The following KIF16B variants were observed in gnomAD, a reference collection of about 807,000 sequenced individuals.
The protein encoded by KIF16B is kinesin-like protein KIF16B.
A neutral mutation model predicts 156.3 loss-of-function variants in KIF16B; 98 were observed. The ratio of observed to expected loss-of-function variants is 0.63; its 90% CI spans 0.53 to 0.74. KIF16B has a LOEUF of 0.74. Among genes scored for constraint, KIF16B ranks in the 30% least tolerant of loss-of-function variants. KIF16B has a pLI of 0.00. For synonymous variants in KIF16B, 564 were observed against 583.7 expected (o/e 0.97, Z 0.49); for missense variants, 1,421 against 1,606.5 (o/e 0.88, Z 1.97).
At chr20:16,306,658 G>A (rs925938480) in intron 25 of KIF16B, among the ~76,000 whole-genome samples, 1 of 152,130 alleles carries the variant, frequency 6.6e-6, no homozygotes, top group South Asian at 2.1e-4. Context: ...TACATTTCAC[G>A]ATTGCTGGGG....
At chr20:16,377,901 C>T (rs1288394942) in intron 19 of KIF16B, among the ~76,000 whole-genome samples, 2 of 152,162 alleles carry the variant, frequency 1.3e-5, no homozygotes, top group East Asian at 1.9e-4. Context: ...CCTTACAAGA[C>T]AAGAGTGCTA....
Position 16,372,908 on chromosome 20 carries a change from G to A in KIF16B, c.3351-1147C>T, listed in dbSNP as rs183484189. Among the ~76,000 whole-genome samples the A allele has an allele frequency of 6.6e-5, 10 of 152,304 alleles. No individual in the cohort carries two copies. The East Asian group carries it at 9.7e-4, about 15-fold the overall frequency. ...AGACAGGGTTTCACTATGTTGGTCA[G>A]GCTGGTCTTGAACTCCTGACCTCAG... On this transcript the variant is annotated intron_variant, in intron 20 of 25. Transcript: ENST00000354981.
intron 10 of KIF16B, among the ~76,000 whole-genome samples, chr20:16,499,071 G>T (rs1473244051): frequency 6.6e-6 from 1 of 152,102 alleles, no homozygotes; most frequent in Non-Finnish European, 1.5e-5. Flanking sequence ...CCTCAGAGAT[G>T]TCCCCGAGCT....
intron 25 of KIF16B, among the ~76,000 whole-genome samples, chr20:16,278,111 GAGCCA>G (rs150312729): frequency 0.12 from 17,754 of 152,144 alleles, 1,114 homozygotes; most frequent in African/African-American, 0.15. Context: ...TGGGATGGCG[GAGCCA>G]AAGGGGGCCT....
chr20:16,528,111 G>C (rs550835016), intron 2 of KIF16B, among the ~76,000 whole-genome samples: 1 of 152,150 alleles, frequency 6.6e-6, no homozygotes, highest in Non-Finnish European at 1.5e-5. Flanking sequence ...CCGAATCTGG[G>C]ATAGACTCAG....
intron 20 of KIF16B, among the ~76,000 whole-genome samples, chr20:16,373,916 G>A (rs1013636746): frequency 5.9e-5 from 9 of 152,262 alleles, no homozygotes; most frequent in East Asian, 1.9e-4. Flanking sequence ...TTTTCTAACC[G>A]CAGGTTCCAG....
chr20:16,328,014 C>T (rs1568854044), intron 24 of KIF16B, among the ~76,000 whole-genome samples: 3 of 152,060 alleles, frequency 2.0e-5, no homozygotes, highest in Non-Finnish European at 4.4e-5. Context: ...AATAGTTGTC[C>T]AAGACAAATA....
chr20:16,489,964 T>C (rs2068238041), intron 12 of KIF16B, among the ~76,000 whole-genome samples: 1 of 150,270 alleles, frequency 6.7e-6, no homozygotes, highest in Non-Finnish European at 1.5e-5. Flanking sequence ...GCCTTTCTAG[T>C]GGGAATGAGA....
At chr20:16,324,545 TA>T (rs1364460059) in intron 24 of KIF16B, among the ~76,000 whole-genome samples, 1 of 151,990 alleles carries the variant, frequency 6.6e-6, no homozygotes, top group Non-Finnish European at 1.5e-5. Flanking sequence ...GAAAGAGTAA[TA>T]AAGTCCACAT....
chr20:16,560,800 A>T (rs1226456487), intron 1 of KIF16B, among the ~76,000 whole-genome samples: 2 of 152,114 alleles, frequency 1.3e-5, no homozygotes, highest in Admixed American at 6.6e-5. Flanking sequence ...AAAAGAAAAA[A>T]AGCTCTAACC....
intron 1 of KIF16B, among the ~76,000 whole-genome samples, chr20:16,566,712 C>A (rs1159591163): frequency 5.3e-5 from 8 of 152,268 alleles, no homozygotes; most frequent in African/African-American, 1.9e-4. Context: ...GGAATTCAAG[C>A]CTTTATTCAG....
chr20:16,379,881 T>C lies in KIF16B; in HGVS notation c.2121A>G (p.Glu707=), dbSNP rs2065050056. Residue 707 remains glutamate, a synonymous_variant, in exon 19 of 26, where the codon GAA becomes GAG. Transcript: ENST00000354981. ...TGAGTTCTTTGAGTCGTTGGAGTTCTTCTTGGACGCGGAGAAAGGTCTCTT... is the reference window on the plus strand; with the variant it reads ...TGAGTTCTTTGAGTCGTTGGAGTTCCTCTTGGACGCGGAGAAAGGTCTCTT... ...QEEETFLRVQ[E]ELQRLKELNN... is the part of the protein sequence containing the mutation. The C allele has an allele frequency of 6.2e-7, 1 of 1,614,132 alleles. No individual in the cohort carries two copies. The highest frequency in any genetic ancestry group is 1.3e-5 in the African/African-American group (1 of 74,950).
intron 25 of KIF16B, among the ~76,000 whole-genome samples, chr20:16,284,932 C>A (rs1200206975): frequency 6.6e-6 from 1 of 152,200 alleles, no homozygotes; most frequent in African/African-American, 2.4e-5. Context: ...CTCCCGCACT[C>A]ACACCCACAG....
chr20:16,370,836 CACTT>C (rs1013540297), intron 21 of KIF16B, among the ~76,000 whole-genome samples, 200 bp from the exon 22 acceptor site: 10 of 152,094 alleles, frequency 6.6e-5, no homozygotes, highest in Admixed American at 5.2e-4. Context: ...AGAACTGAAA[CACTT>C]ACTCCTAATC....
chr20:16,340,314 C>G (rs935672321), intron 23 of KIF16B, among the ~76,000 whole-genome samples: 4 of 152,192 alleles, frequency 2.6e-5, no homozygotes. Context: ...TCCTCTTTCC[C>G]ATTCAACACT....
At chr20:16,485,057 A>C (rs897069597) in intron 12 of KIF16B, among the ~76,000 whole-genome samples, 1 of 152,220 alleles carries the variant, frequency 6.6e-6, no homozygotes, top group Non-Finnish European at 1.5e-5. Flanking sequence ...AATGAGATGC[A>C]ACTGAAAGCC....
At chr20:16,366,624 G>A (rs73236281) in intron 22 of KIF16B, among the ~76,000 whole-genome samples, 139 of 152,338 alleles carry the variant, frequency 9.1e-4, no homozygotes, top group African/African-American at 2.5e-3. Context: ...ATACCATGGT[G>A]ATGGGAGGAC....
At chr20:16,424,273 G>A (rs948501985) in intron 15 of KIF16B, among the ~76,000 whole-genome samples, 14 of 152,066 alleles carry the variant, frequency 9.2e-5, no homozygotes, top group African/African-American at 3.4e-4. Context: ...AGATGAATGG[G>A]TGGGTGGATG....
chr20:16,458,144 C>T (rs1355080537), intron 12 of KIF16B, among the ~76,000 whole-genome samples: 2 of 152,162 alleles, frequency 1.3e-5, no homozygotes, highest in Admixed American at 6.5e-5. Flanking sequence ...GAGCAACCCA[C>T]AAAGGCACTG....
Sources: gnomAD v4.1 joint callset for allele counts (sites outside exome capture counted in the v4.1 genomes callset) on GRCh38, gnomAD v4.1.1 for gene constraint, MANE v1.5 for transcripts, NCBI Gene and HGNC (gene_info 2026-07-23, HGNC 2026-07-21) for gene names.